The following PGM1 variants were observed in gnomAD, a reference collection of about 807,000 sequenced individuals.
PGM1 encodes the protein phosphoglucomutase-1.
In PGM1, 52 loss-of-function variants were observed where a neutral mutation model predicts 55.6. That is an observed-to-expected ratio of 0.94 (90% confidence interval 0.75 to 1.18). The LOEUF (loss-of-function observed/expected upper bound fraction) is 1.18. Among genes scored for constraint, PGM1 ranks in the 50% most tolerant of loss-of-function variants. The probability of loss-of-function intolerance (pLI) is 0.00; values close to 1 mark genes in which losing one functional copy is unlikely to be tolerated. For missense variants in PGM1, 724 were observed against 729.3 expected, an observed-to-expected ratio of 0.99 and a Z score of 0.08; for synonymous variants, 287 against 271.7, an observed-to-expected ratio of 1.06 and a Z score of -0.55.
chr1:63,605,176 C>T (rs1648383976), intron 1 of PGM1, among the ~76,000 whole-genome samples: 1 of 151,992 alleles, frequency 6.6e-6, no homozygotes. Flanking sequence ...TGGAGAAGGC[C>T]CTAAAAGTCC....
intron 10 of PGM1, among the ~76,000 whole-genome samples, chr1:63,654,872 T>G (rs1649917536): frequency 6.6e-6 from 1 of 152,106 alleles, no homozygotes; most frequent in Non-Finnish European, 1.5e-5. Context: ...TAACTTAGAC[T>G]GTTATTCTCC....
Position 63,631,646 on chromosome 1 carries a change from TG to T in PGM1, c.557-10del. The T allele has an allele frequency of 6.2e-7, 1 of 1,612,390 alleles. No homozygotes were observed. Among genetic ancestry groups the T allele is most frequent in the Non-Finnish European group, 8.5e-7 (1 of 1,178,486 alleles). ...AATCCTTCCATCTTTTGATGTTGCT[TG>T]TTCTCACAGTGGAAATTGTGGATTC... On this transcript the variant is annotated splice_polypyrimidine_tract_variant and intron_variant, in intron 3 of 10. Transcript: ENST00000371084.
chr1:63,659,589 A>C lies in PGM1; in HGVS notation c.1603A>C (p.Met535Leu). The C allele has an allele frequency of 6.2e-7, 1 of 1,613,532 alleles. No individual in the cohort carries two copies. Among genetic ancestry groups the C allele is most frequent in the Non-Finnish European group, 8.5e-7 (1 of 1,179,552 alleles). ...CTTCTCTCTATGTCTTCCTCAGGTC[A>C]TGTTGGCCCCCCTTATTTCCATTGC... ...VAKINQDPQVMLAPLISIALK... is the reference protein window; with the variant it reads ...VAKINQDPQVLLAPLISIALK... The change falls in exon 11 of 11, where the codon ATG becomes CTG. Residue 535 changes from methionine (M) to leucine (L), a missense_variant. Coordinates refer to ENST00000371084, the MANE Select transcript of PGM1 (RefSeq NM_002633.3).
rs1649322447 is a variant in PGM1 at position 63,634,924 on chromosome 1, C to T, written c.778C>T (p.His260Tyr). 2 of 1,613,772 alleles carry T rather than the reference C, an allele frequency of 1.2e-6. No homozygotes were observed. Among genetic ancestry groups the T allele is most frequent in the African/African-American group, 2.7e-5 (2 of 74,870 alleles). Residue 260 changes from histidine to tyrosine, a missense_variant, in exon 5 of 11, where the codon CAC (histidine) becomes TAC (tyrosine). Transcript: ENST00000371084. ...NCVPLEDFGG[H>Y]HPDPNLTYAA... ...CGTTCCTCTGGAGGACTTTGGAGGC[C>T]ACCACCCTGACCCCAACCTCACCTA...
chr1:63,645,834 G>A (rs1178678957), intron 7 of PGM1, among the ~76,000 whole-genome samples: 2 of 152,182 alleles, frequency 1.3e-5, no homozygotes, highest in East Asian at 1.9e-4. Context: ...CATTCACACA[G>A]TCTTTCATAA....
intron 7 of PGM1, among the ~76,000 whole-genome samples, chr1:63,643,914 G>T (rs898776315): frequency 2.0e-5 from 3 of 152,182 alleles, no homozygotes; most frequent in Non-Finnish European, 4.4e-5. Context: ...TATGTTCAGG[G>T]GGCTGGAGGA....
chr1:63,617,264 G>A (rs1357616677), intron 1 of PGM1, among the ~76,000 whole-genome samples: 1 of 152,142 alleles, frequency 6.6e-6, no homozygotes, highest in Non-Finnish European at 1.5e-5. Context: ...GCTCACAGCT[G>A]GCAAACAGGA....
At chr1:63,606,633 C>T (rs1478180750) in intron 1 of PGM1, among the ~76,000 whole-genome samples, 2 of 152,186 alleles carry the variant, frequency 1.3e-5, no homozygotes, top group Admixed American at 6.5e-5. Flanking sequence ...CTTAGCTAAG[C>T]CTACCTCTAG....
chr1:63,612,827 C>T (rs989137078), intron 1 of PGM1, among the ~76,000 whole-genome samples: 3 of 152,170 alleles, frequency 2.0e-5, no homozygotes, highest in Non-Finnish European at 4.4e-5. Flanking sequence ...ACACCTTGTG[C>T]TTTGGGAAGT....
rs1244317043 is a variant in PGM1 at position 63,630,031 on chromosome 1, C to G, written c.499C>G (p.Leu167Val). 1 of 1,613,918 alleles carries G rather than the reference C, an allele frequency of 6.2e-7. No individual in the cohort carries two copies. Residue 167 changes from leucine (L) to valine (V), a missense_variant, in exon 3 of 11, where the codon CTT (leucine) becomes GTT (valine). Around this residue, in one of 3 missense-constraint regions of PGM1, gnomAD observed 379 missense variants for 357.5 expected, o/e 1.06. Transcript: ENST00000371084. ...YAVCPDLKVD[L>V]GVLGKQQFDL... is the part of the protein sequence containing the mutation. ...AGTTTGCCCTGACCTGAAAGTAGAC[C>G]TTGGTGTTCTGGGAAAGCAGCAGTT...
At chr1:63,605,378 A>G (rs1448209071) in intron 1 of PGM1, among the ~76,000 whole-genome samples, 1 of 152,148 alleles carries the variant, frequency 6.6e-6, no homozygotes, top group Non-Finnish European at 1.5e-5. Context: ...TCACCTAGAT[A>G]GTTTTGAAAC....
At chr1:63,633,704 G>A (rs751762670) in intron 4 of PGM1, among the ~76,000 whole-genome samples, 14 of 150,452 alleles carry the variant, frequency 9.3e-5, no homozygotes, top group Non-Finnish European at 1.8e-4. Flanking sequence ...GTCTTGCCCT[G>A]TTGCCCAGGC....
Position 63,651,699 on chromosome 1 carries a change from C to T in PGM1, c.1311C>T (p.Gly437=), listed in dbSNP as rs774957793. 1.7e-5 allele frequency: 27 copies of T among 1,613,640 alleles called. No homozygotes were observed. The highest frequency in any genetic ancestry group is 7.7e-5 in the South Asian group (7 of 91,044). ...ATTACGAGGAGGTGGAAGCTGAGGG[C>T]GCAAACAAAATGATGAAGGACTTGG... ...RYDYEEVEAE[G]ANKMMKDLEA... is the part of the protein sequence containing the mutation. Residue 437 remains glycine, a synonymous_variant, in exon 9 of 11, where the codon GGC becomes GGT. Transcript: ENST00000371084.
chr1:63,608,632 C>A (rs1648489404), intron 1 of PGM1, among the ~76,000 whole-genome samples: 1 of 152,132 alleles, frequency 6.6e-6, no homozygotes, highest in East Asian at 1.9e-4. Context: ...TTCTGTGGAA[C>A]AAGATGAAGT....
chr1:63,624,514 A>C (rs1648971730), intron 1 of PGM1, among the ~76,000 whole-genome samples: 1 of 152,234 alleles, frequency 6.6e-6, no homozygotes, highest in East Asian at 1.9e-4. Flanking sequence ...CAATTCGTGC[A>C]GCCCACTGGT....
intron 6 of PGM1, 44 bp from the exon 7 acceptor site, chr1:63,638,641 T>G: frequency 7.5e-7 from 1 of 1,338,244 alleles, no homozygotes; most frequent in Non-Finnish European, 1.1e-6. Flanking sequence ...ATGGCCACGC[T>G]AACAGTCCTG....
intron 1 of PGM1, among the ~76,000 whole-genome samples, chr1:63,603,999 T>C (rs982047309): frequency 1.3e-5 from 2 of 152,238 alleles, no homozygotes; most frequent in African/African-American, 2.4e-5. Context: ...AGTGCACATA[T>C]GAGAATCATC....
intron 1 of PGM1, among the ~76,000 whole-genome samples, chr1:63,594,591 C>A (rs12080496): frequency 0.054 from 8,173 of 150,764 alleles, 708 homozygotes; most frequent in African/African-American, 0.19. Flanking sequence ...CTTGATTGGG[C>A]GGGTCCACTC....
intron 1 of PGM1, among the ~76,000 whole-genome samples, chr1:63,611,636 G>A (rs1648569616): frequency 6.6e-6 from 1 of 152,188 alleles, no homozygotes; most frequent in South Asian, 2.1e-4. Flanking sequence ...CGGGCGCAGT[G>A]GCTCTCACCT....
Sources: gnomAD v4.1 joint callset for allele counts (sites outside exome capture counted in the v4.1 genomes callset) on GRCh38, gnomAD v4.1.1 for gene constraint, gnomAD v4.1.1 regional missense constraint, MANE v1.5 for transcripts, NCBI Gene and HGNC (gene_info 2026-07-23, HGNC 2026-07-21) for gene names.